MTHFD1L: variants seen among roughly 807,000 people sequenced by gnomAD.
MTHFD1L encodes the protein monofunctional C1-tetrahydrofolate synthase, mitochondrial.
MTHFD1L carries 81 observed loss-of-function variants against 119.5 expected under a neutral mutation model. The ratio of observed to expected loss-of-function variants is 0.68; its 90% CI spans 0.57 to 0.82. MTHFD1L has a LOEUF of 0.82. MTHFD1L is among the 40% of genes least tolerant of loss of function. The pLI, the probability that MTHFD1L is intolerant of heterozygous loss-of-function variation, is 0.00. For synonymous variants in MTHFD1L, 430 were observed against 475.2 expected (o/e 0.90, Z 1.24); for missense variants, 1,125 against 1,253.4 (o/e 0.90, Z 1.55).
chr6:150,984,428 C>G (rs140552300), intron 20 of MTHFD1L, among the ~76,000 whole-genome samples: 14 of 151,968 alleles, frequency 9.2e-5, no homozygotes, highest in Admixed American at 8.5e-4. Flanking sequence ...CTTTTTCCCC[C>G]CTTTATTCAG....
intron 6 of MTHFD1L, 124 bp downstream of exon 6, chr6:150,885,858 G>T (rs1782158492): frequency 1.5e-6 from 1 of 669,808 alleles, no homozygotes. Context: ...ATCCTTTTAG[G>T]ATGTTTCTAG....
intron 5 of MTHFD1L, among the ~76,000 whole-genome samples, chr6:150,885,342 C>T (rs891314034): frequency 3.9e-5 from 6 of 152,070 alleles, no homozygotes; most frequent in Middle Eastern, 3.4e-3. Context: ...ATTACAGGCA[C>T]GTGCCATCAC....
intron 18 of MTHFD1L, among the ~76,000 whole-genome samples, chr6:150,961,827 A>T: frequency 6.6e-6 from 1 of 152,224 alleles, no homozygotes; most frequent in Non-Finnish European, 1.5e-5. Flanking sequence ...TATTAAAATT[A>T]CCAAAATCTC....
chr6:150,865,839 CG>C lies in MTHFD1L; in HGVS notation c.18del (p.Leu7SerfsTer80). Reference protein sequence around the residue: MGTRLPLVLRQLRRPP... With the variant: MGTRLXLVLRQLRRPP... ...TCCCGCGCCATGGGCACGCGTCTGCCGCTCGTCCTGCGCCAGCTCCGCCGCC... is the reference window on the plus strand; with the variant it reads ...TCCCGCGCCATGGGCACGCGTCTGCCCTCGTCCTGCGCCAGCTCCGCCGCC... On this transcript the variant is annotated frameshift_variant, in exon 1 of 28. Coordinates refer to ENST00000367321, the MANE Select transcript of MTHFD1L (RefSeq NM_015440.5). LOFTEE classifies it high-confidence loss of function. The C allele has an allele frequency of 7.9e-7, 1 of 1,260,924 alleles. No homozygotes were observed. The highest frequency in any genetic ancestry group is 1.0e-6 in the Non-Finnish European group (1 of 996,354). 78.1% of individuals were successfully genotyped at this position (1,260,924 alleles called of 1,614,324 possible).
intron 8 of MTHFD1L, among the ~76,000 whole-genome samples, chr6:150,911,161 T>A (rs948629592): frequency 1.6e-4 from 25 of 152,264 alleles, no homozygotes; most frequent in African/African-American, 4.1e-4. Context: ...TTGCTTTTTT[T>A]AAAAAAAGTA....
chr6:150,932,161 C>CAAAAAAAAAAAAAAAAAAAAAAAAAAA, intron 11 of MTHFD1L, among the ~76,000 whole-genome samples: 1 of 39,474 alleles, frequency 2.5e-5, no homozygotes, highest in Non-Finnish European at 4.3e-5. Flanking sequence ...GACTCCATCT[C>CAAAAAAAAAAAAAAAAAAAAAAAAAAA]AAAAAAAAAA....
chr6:151,099,779 T>C, intron 27 of MTHFD1L: 1 of 1,608,234 alleles, frequency 6.2e-7, no homozygotes, highest in African/African-American at 1.3e-5. Context: ...GTCAAGGAGC[T>C]GGAAGTGCTG....
chr6:150,928,718 T>G (rs959773037), intron 11 of MTHFD1L, among the ~76,000 whole-genome samples: 3 of 151,954 alleles, frequency 2.0e-5, no homozygotes, highest in Non-Finnish European at 4.4e-5. Flanking sequence ...ACTGTTTTTG[T>G]ATTTTTATAG....
intron 20 of MTHFD1L, among the ~76,000 whole-genome samples, chr6:150,993,816 A>C: frequency 6.6e-6 from 1 of 152,108 alleles, no homozygotes; most frequent in East Asian, 1.9e-4. Context: ...GCAAGATCTC[A>C]GCCTCTGAAA....
chr6:150,871,865 A>G (rs1432710779), intron 1 of MTHFD1L, among the ~76,000 whole-genome samples: 1 of 149,546 alleles, frequency 6.7e-6, no homozygotes, highest in African/African-American at 2.5e-5. Context: ...ATTTTATTTT[A>G]TTTTAATTTA....
intron 20 of MTHFD1L, among the ~76,000 whole-genome samples, chr6:151,007,312 C>A (rs142487860): frequency 2.6e-5 from 4 of 151,886 alleles, no homozygotes; most frequent in Non-Finnish European, 5.9e-5. Context: ...CTCCCACTTC[C>A]CTGCAGGGCT....
chr6:150,911,700 G>A (rs1024119906), intron 8 of MTHFD1L, among the ~76,000 whole-genome samples: 2 of 152,206 alleles, frequency 1.3e-5, no homozygotes, highest in East Asian at 1.9e-4. Flanking sequence ...TACACGAGAC[G>A]GGGAAGAAAA....
chr6:150,874,375 G>C (rs112577947), intron 1 of MTHFD1L, among the ~76,000 whole-genome samples: 11 of 152,292 alleles, frequency 7.2e-5, no homozygotes, highest in African/African-American at 2.6e-4. Flanking sequence ...TTGTGAATCT[G>C]AGCAGCTCTC....
intron 16 of MTHFD1L, among the ~76,000 whole-genome samples, chr6:150,954,421 C>T (rs1356179433): frequency 6.6e-6 from 1 of 152,118 alleles, no homozygotes; most frequent in Non-Finnish European, 1.5e-5. Context: ...GGTGCAGTGG[C>T]TCACGCCAGT....
chr6:150,890,398 A>T (rs978600181), intron 7 of MTHFD1L, among the ~76,000 whole-genome samples: 3 of 152,096 alleles, frequency 2.0e-5, no homozygotes, highest in African/African-American at 7.2e-5. Flanking sequence ...GTATCTAGCC[A>T]GGTTCAAGGG....
In MTHFD1L at chr6:150,899,269, G is replaced by C. The variant is rs1173183384; in HGVS notation, c.781-6381G>C. 2.6e-5 allele frequency among the ~76,000 whole-genome samples: 4 copies of C among 152,128 alleles called. No individual in the cohort carries two copies. The South Asian group carries it at 8.3e-4, about 32-fold the overall frequency. ...TAATTCCCAGATGTCCATTTGGCTT[G>C]TAGTCATTTTGATTTATGAAATAAT... On this transcript the variant is annotated intron_variant, in intron 7 of 27. Coordinates refer to ENST00000367321, the MANE Select transcript of MTHFD1L (RefSeq NM_015440.5).
At chr6:151,021,800 C>G (rs1472253640) in intron 24 of MTHFD1L, among the ~76,000 whole-genome samples, 1 of 152,138 alleles carries the variant, frequency 6.6e-6, no homozygotes, top group African/African-American at 2.4e-5. Context: ...AATTGGGAGC[C>G]CTTAGTGATA....
chr6:150,995,451 T>G (rs1779684082), intron 20 of MTHFD1L, among the ~76,000 whole-genome samples: 1 of 139,484 alleles, frequency 7.2e-6, no homozygotes, highest in Non-Finnish European at 1.5e-5. Flanking sequence ...GAGGCGGAGG[T>G]GGCGGTGAGC....
chr6:150,872,229 TTTC>T (rs1423578468), intron 1 of MTHFD1L, among the ~76,000 whole-genome samples: 1 of 152,166 alleles, frequency 6.6e-6, no homozygotes, highest in Non-Finnish European at 1.5e-5. Context: ...CACTTTTAAA[TTTC>T]TTCAATAGCT....
Sources: gnomAD v4.1 joint callset for allele counts (sites outside exome capture counted in the v4.1 genomes callset) on GRCh38, gnomAD v4.1.1 for gene constraint, MANE v1.5 for transcripts, NCBI Gene and HGNC (gene_info 2026-07-23, HGNC 2026-07-21) for gene names.